DAPK2: variants seen among roughly 807,000 people sequenced by gnomAD.
DAPK2 encodes death associated protein kinase 2.
A neutral mutation model predicts 44.1 loss-of-function variants in DAPK2; 35 were observed. The ratio of observed to expected loss-of-function variants is 0.79; its 90% confidence interval spans 0.61 to 1.05. The LOEUF (loss-of-function observed/expected upper bound fraction) is 1.05, where lower values mean the gene tolerates loss of function less well. Among genes scored for constraint, DAPK2 ranks in the 50% least tolerant of loss-of-function variants. The pLI is 0.00. For synonymous variants in DAPK2, 174 were observed against 182.6 expected, an observed-to-expected ratio of 0.95 and a Z score of 0.38; for missense variants, 453 against 483.2, an observed-to-expected ratio of 0.94 and a Z score of 0.59.
intron 1 of DAPK2, among the ~76,000 whole-genome samples, chr15:64,019,472 A>C (rs186640306): frequency 1.3e-5 from 2 of 152,366 alleles, no homozygotes; most frequent in East Asian, 3.9e-4. Context: ...AGGTACTTGC[A>C]TGATTCTGAA....
chr15:64,002,152 T>C (rs553660968), intron 1 of DAPK2, among the ~76,000 whole-genome samples: 2 of 152,294 alleles, frequency 1.3e-5, no homozygotes, highest in East Asian at 3.9e-4. Context: ...CTCAGGGCCC[T>C]GGGGAGAGTG....
chr15:64,022,179 G>A lies in DAPK2; in HGVS notation c.92+17991C>T, dbSNP rs60259309. Among the ~76,000 whole-genome samples the A allele has an allele frequency of 3.1e-3, 474 of 152,264 alleles. 2 individuals are homozygous for A. Among genetic ancestry groups the A allele is most frequent in the African/African-American group, 0.011 (463 of 41,550 alleles). On this transcript the variant is annotated intron_variant, in intron 1 of 10. Coordinates refer to ENST00000261891, the Ensembl canonical transcript of DAPK2. ...CCAAATGCTGGTTAGTATCAACAAG[G>A]GAGCTAATCTTGGCAATGCTACAGG... is the stretch of plus-strand genomic sequence containing the variant.
exon 7 of DAPK2, chr15:63,926,064 T>C: frequency 1.2e-6 from 2 of 1,612,588 alleles, no homozygotes; most frequent in Non-Finnish European, 8.5e-7. Context: ...CTGCTTCGTG[T>C]CTCCCAGGAA....
intron 1 of DAPK2, chr15:64,029,916 G>A (rs1283240513): frequency 6.6e-6 from 1 of 152,318 alleles, no homozygotes; most frequent in Non-Finnish European, 1.5e-5. Context: ...ATACCGTTTT[G>A]CATCCGGCCA....
chr15:63,956,592 T>A (rs1425463003), intron 3 of DAPK2, among the ~76,000 whole-genome samples: 1 of 147,134 alleles, frequency 6.8e-6, no homozygotes, highest in Non-Finnish European at 1.5e-5. Flanking sequence ...CAATTTAAAT[T>A]TTTTTTTTTT....
At chr15:63,933,977 T>C (rs1040441699) in intron 4 of DAPK2, among the ~76,000 whole-genome samples, 2 of 152,204 alleles carry the variant, frequency 1.3e-5, no homozygotes, top group Admixed American at 6.5e-5. Flanking sequence ...ACATACACTT[T>C]TATTTCTGTC....
At chr15:64,025,813 C>T (rs62021543) in intron 1 of DAPK2, among the ~76,000 whole-genome samples, 30,090 of 152,060 alleles carry the variant, frequency 0.2, 3,055 homozygotes, top group South Asian at 0.25. Flanking sequence ...TTTTATAATA[C>T]AGCTGTTCCA....
Position 63,971,423 on chromosome 15 carries a change from C to T in DAPK2, c.453G>A (p.Lys151=), listed in dbSNP as rs1333300979. The T allele has an allele frequency of 1.9e-6, 3 of 1,614,000 alleles. No individual in the cohort carries two copies. Among genetic ancestry groups the T allele is most frequent in the Non-Finnish European group, 1.7e-6 (2 of 1,180,002 alleles). Reference sequence around the variant, plus strand: ...CTTTTCCCTTTCTCCCCTTACTGACCTTGAGATCAAAGTGAGCAATTTTCT... The same window carrying T: ...CTTTTCCCTTTCTCCCCTTACTGACTTTGAGATCAAAGTGAGCAATTTTCT... The change falls in exon 3 of 11, where the codon AAG becomes AAA. Residue 151 remains lysine, a splice_region_variant and synonymous_variant. Coordinates refer to ENST00000261891, the Ensembl canonical transcript of DAPK2.
intron 6 of DAPK2, 79 bp downstream of exon 7, chr15:63,929,472 A>T: frequency 6.3e-7 from 1 of 1,578,556 alleles, no homozygotes. Context: ...ATGTCAGTCT[A>T]TCAGCCTGCC....
intron 1 of DAPK2, among the ~76,000 whole-genome samples, chr15:63,992,015 TTTG>T (rs1039476093): frequency 2.0e-5 from 3 of 151,912 alleles, no homozygotes; most frequent in East Asian, 1.9e-4. Context: ...TAGACATTTT[TTTG>T]TTGTTGTTGC....
At chr15:64,012,997 C>T (rs182063576) in intron 1 of DAPK2, among the ~76,000 whole-genome samples, 6 of 152,204 alleles carry the variant, frequency 3.9e-5, no homozygotes, top group African/African-American at 1.2e-4. Context: ...ATTGTATCTT[C>T]GATATGATCA....
chr15:63,942,909 G>A (rs1312547168), intron 3 of DAPK2, among the ~76,000 whole-genome samples: 3 of 152,154 alleles, frequency 2.0e-5, no homozygotes, highest in Admixed American at 6.5e-5. Context: ...GTTGCCCAAG[G>A]GTTTTGTTCC....
intron 3 of DAPK2, among the ~76,000 whole-genome samples, chr15:63,958,530 A>T (rs1272141538): frequency 6.6e-6 from 1 of 152,146 alleles, no homozygotes; most frequent in African/African-American, 2.4e-5. Flanking sequence ...TAATTTTTGT[A>T]TAAGGTGTAA....
Position 63,923,485 on chromosome 15 carries a change from T to C in DAPK2, c.858+1331A>G, listed in dbSNP as rs187390149. Reference sequence around the variant, plus strand: ...GGCCATGGGGAGAACCAGGGTGGGATGAGCACCTCCTTAGGCCATAAGTGA... The same window carrying C: ...GGCCATGGGGAGAACCAGGGTGGGACGAGCACCTCCTTAGGCCATAAGTGA... On this transcript the variant is annotated intron_variant, in intron 8 of 10. Transcript: ENST00000261891. The surrounding 1 kb of genome is among the most constrained non-coding windows in gnomAD (Gnocchi z 4.2). The C allele has an allele frequency of 3.7e-5, 53 of 1,422,048 alleles. No homozygotes were observed. In the East Asian group the frequency reaches 1.3e-3, roughly 34 times the overall value. 88.1% of individuals were successfully genotyped at this position (1,422,048 alleles called of 1,614,324 possible). A position where few individuals can be genotyped will look rare whatever the true frequency, so the allele number is the denominator to read the frequency against.
In DAPK2 at chr15:63,924,710, T is replaced by C. The variant is rs1440172712; in HGVS notation, c.858+106A>G. 6 of 1,300,560 alleles carry C rather than the reference T, an allele frequency of 4.6e-6. No individual in the cohort carries two copies. The African/African-American group carries it at 7.4e-5, about 16-fold the overall frequency. 80.6% of individuals were successfully genotyped at this position (1,300,560 alleles called of 1,614,324 possible). On this transcript the variant is annotated intron_variant, in intron 8 of 10. Transcript: ENST00000261891. ...TTCATCTGTGCCCAGGGTCAGTGTT[T>C]AAAGCAAAGGCCTCTCCATGGGCCC...
chr15:63,986,951 T>TC (rs1277103547), intron 1 of DAPK2, among the ~76,000 whole-genome samples: 1 of 152,170 alleles, frequency 6.6e-6, no homozygotes, highest in Non-Finnish European at 1.5e-5. Context: ...GTATTACACT[T>TC]CCCCATAGTT....
chr15:63,996,448 C>G (rs1202874666), intron 1 of DAPK2, among the ~76,000 whole-genome samples: 1 of 152,076 alleles, frequency 6.6e-6, no homozygotes, highest in Non-Finnish European at 1.5e-5. Flanking sequence ...GCTCTAAACA[C>G]AAAAATATTA....
Position 63,958,758 on chromosome 15 carries a change from A to C in DAPK2, c.453+12665T>G, listed in dbSNP as rs182271972. Among the ~76,000 whole-genome samples, 358 of 152,138 alleles carry C rather than the reference A, an allele frequency of 2.4e-3. 1 individual carries two copies. The highest frequency in any genetic ancestry group is 8.0e-3 in the African/African-American group (334 of 41,530). On this transcript the variant is annotated intron_variant, in intron 3 of 10. Transcript: ENST00000261891. Reference sequence around the variant, plus strand: ...ACCATGCTGTTTTGGTTACTGTAGCATTGTAGTATAGTTTGAAGTCAGGTA... The same window carrying C: ...ACCATGCTGTTTTGGTTACTGTAGCCTTGTAGTATAGTTTGAAGTCAGGTA...
chr15:64,021,722 G>C (rs2079687827), intron 1 of DAPK2, among the ~76,000 whole-genome samples: 1 of 152,220 alleles, frequency 6.6e-6, no homozygotes, highest in Admixed American at 6.5e-5. Context: ...CTCAAAGCTG[G>C]AGGGATAGAT....
Sources: allele counts gnomAD v4.1 joint callset (sites outside exome capture counted in the v4.1 genomes callset), GRCh38; gene constraint gnomAD v4.1.1; non-coding constraint Gnocchi (gnomAD v3.1); transcripts MANE v1.5; gene names NCBI Gene and HGNC (gene_info 2026-07-23, HGNC 2026-07-21).